The following POM121L2 variants were observed in gnomAD, a reference collection of about 807,000 sequenced individuals.
The protein encoded by POM121L2 is POM121 transmembrane nucleoporin like 2.
For missense variants in POM121L2, 1,167 were observed against 1,260.3 expected (o/e 0.93, Z 1.12); for synonymous variants, 459 against 483.8 (o/e 0.95, Z 0.67).
rs1174838178 is a variant in POM121L2, at chr6:27,309,149, A to G, written c.3022T>C (p.Ser1008Pro). The change falls in exon 1 of 1, where the codon TCT (serine) becomes CCT (proline). Residue 1008 changes from serine to proline, a missense_variant. By Grantham distance (74) the Ser-to-Pro change is moderately conservative. Transcript: ENST00000444565. ...VGRGPFRSSA[S>P]SFSIGAKSKT... The stretch of plus-strand genomic sequence containing the variant: ...GATTTTGCGCCAATGGAAAATGAAG[A>G]GGCTGATGATCTAAAAGGTCCTCTC... 1.3e-6 allele frequency: 2 copies of G among 1,551,796 alleles called. No homozygotes were observed. The highest frequency in any genetic ancestry group is 2.0e-5 in the Admixed American group (1 of 51,004).
In POM121L2 at chr6:27,311,787, T is replaced by C. The variant is rs767174201; in HGVS notation, c.384A>G (p.Arg128=). The change falls in exon 1 of 1, where the codon AGA becomes AGG. Residue 128 remains arginine (R), a synonymous_variant. Transcript: ENST00000444565. ...VTIRITPPDQ[R]VPPSTSPEDV... ...CTTCAGGAGAAGTGGAAGGGGGCACTCTCTGGTCAGGAGGAGTGATCCTGA... is the reference window on the plus strand; with the variant it reads ...CTTCAGGAGAAGTGGAAGGGGGCACCCTCTGGTCAGGAGGAGTGATCCTGA... 5 of 1,551,802 alleles carry C rather than the reference T, an allele frequency of 3.2e-6. No homozygotes were observed. In the South Asian group the frequency reaches 5.9e-5, roughly 18 times the overall value.
chr6:27,311,385 A>T lies in POM121L2; in HGVS notation c.786T>A (p.Ser262=). The T allele has an allele frequency of 6.4e-7, 1 of 1,551,674 alleles. No individual in the cohort carries two copies. The highest frequency in any genetic ancestry group is 8.7e-7 in the Non-Finnish European group (1 of 1,146,936). The change falls in exon 1 of 1, where the codon TCT becomes TCA. Residue 262 remains serine (S), a synonymous_variant. Transcript: ENST00000444565. ...TCCAAGGGTCTGAGAAATTTCTGCA[A>T]GAGCTGTAAGAGCTGCCAATAGCAT... ...KRNAIGSSYS[S]CRNFSDPWKR...
In POM121L2 at chr6:27,311,824, C is replaced by A. The variant is rs970345092; in HGVS notation, c.347G>T (p.Ser116Ile). 7.1e-6 allele frequency: 11 copies of A among 1,551,648 alleles called. No individual in the cohort carries two copies. The African/African-American group carries it at 1.2e-4, about 17-fold the overall frequency. The change falls in exon 1 of 1, where the codon AGC becomes ATC. Residue 116 changes from serine (S) to isoleucine (I), a missense_variant. Physicochemically the swap from Ser to Ile is moderately radical, Grantham distance 142. Transcript: ENST00000444565. ...AGGAGTGATCCTGATGGTCACTGGG[C>A]TCCAAATTGGCCTGGGATGTCGAAG... ...WSLRHPRPIW[S>I]PVTIRITPPD...
rs1760721315 is a variant in POM121L2, at chr6:27,309,941, T to C, written c.2230A>G (p.Ser744Gly). ...ATTGCTGGAGTCAGGTTGGAGATGC[T>C]GGGGGTTGATGCAAGCCAGTTTGTG... ...VSTNWLASTP[S>G]ISNLTPAITS... Residue 744 changes from serine to glycine, a missense_variant, in exon 1 of 1, where the codon AGC becomes GGC. Transcript: ENST00000444565. The C allele has an allele frequency of 1.3e-6, 2 of 1,551,626 alleles. No homozygotes were observed. The highest frequency in any genetic ancestry group is 1.2e-5 in the South Asian group (1 of 84,064).
rs1415275170 is a variant in POM121L2, at chr6:27,311,957, C to T, written c.214G>A (p.Ala72Thr). ...LDPANPTTWL[A>T]NEAWRRFPMK... ...GGAAAGCGCCTCCAGGCCTCGTTGG[C>T]CAGCCACGTGGTTGGATTGGCAGGA... The change falls in exon 1 of 1, where the codon GCC becomes ACC. Residue 72 changes from alanine to threonine, a missense_variant. Physicochemically the swap from Ala to Thr is moderately conservative, Grantham distance 58. Coordinates refer to ENST00000444565, the MANE Select transcript of POM121L2 (RefSeq NM_033482.4). The T allele has an allele frequency of 1.3e-6, 2 of 1,551,386 alleles. No individual in the cohort carries two copies. Among genetic ancestry groups the T allele is most frequent in the Non-Finnish European group, 1.7e-6 (2 of 1,146,798 alleles).
chr6:27,310,584 A>G lies in POM121L2; in HGVS notation c.1587T>C (p.Ser529=). 1.3e-6 allele frequency: 2 copies of G among 1,552,050 alleles called. No homozygotes were observed. The highest frequency in any genetic ancestry group is 8.7e-7 in the Non-Finnish European group (1 of 1,147,088). ...AAATCGGTTTTAACATGAGGTGAGC[A>G]GAAGTTGCATCAGGAGGTGCAGATG... ...LSASAPPDAT[S]AHLMLKPILG... Residue 529 remains serine, a synonymous_variant, in exon 1 of 1, where the codon TCT becomes TCC. Coordinates refer to ENST00000444565, the MANE Select transcript of POM121L2 (RefSeq NM_033482.4).
Position 27,310,186 on chromosome 6 carries a change from C to T in POM121L2, c.1985G>A (p.Cys662Tyr), listed in dbSNP as rs1260434719. The change falls in exon 1 of 1, where the codon TGC becomes TAC. Residue 662 changes from cysteine to tyrosine, a missense_variant. Transcript: ENST00000444565. ...VGNTYSVPSTCDTFLLGTAQA... is the reference protein window; with the variant it reads ...VGNTYSVPSTYDTFLLGTAQA... ...AGCAGTCCCAAGCAGGAAAGTGTCGCAAGTGGAAGGGACAGAATAAGTGTT... is the reference window on the plus strand; with the variant it reads ...AGCAGTCCCAAGCAGGAAAGTGTCGTAAGTGGAAGGGACAGAATAAGTGTT... 6.4e-7 allele frequency: 1 copy of T among 1,552,176 alleles called. No individual in the cohort carries two copies. The highest frequency in any genetic ancestry group is 8.7e-7 in the Non-Finnish European group (1 of 1,147,098).
Position 27,309,136 on chromosome 6 carries a change from A to G in POM121L2, c.3035T>C (p.Ile1012Thr), listed in dbSNP as rs776096109. 1.3e-5 allele frequency: 20 copies of G among 1,551,700 alleles called. No homozygotes were observed. The South Asian group carries it at 1.8e-4, about 14-fold the overall frequency. The change falls in exon 1 of 1, where the codon ATT (isoleucine) becomes ACT (threonine). Residue 1012 changes from isoleucine (I) to threonine (T), a missense_variant. By Grantham distance (89) the Ile-to-Thr change is moderately conservative. Transcript: ENST00000444565. ...PFRSSASSFS[I>T]GAKSKTPKNR... ...CTTTGGGGTTTTTGATTTTGCGCCAATGGAAAATGAAGAGGCTGATGATCT... is the reference window on the plus strand; with the variant it reads ...CTTTGGGGTTTTTGATTTTGCGCCAGTGGAAAATGAAGAGGCTGATGATCT...
In POM121L2 at chr6:27,309,033, A is replaced by G; in HGVS notation, c.*30T>C. The G allele has an allele frequency of 6.7e-7, 1 of 1,496,160 alleles. No individual in the cohort carries two copies. Among genetic ancestry groups the G allele is most frequent in the Non-Finnish European group, 9.0e-7 (1 of 1,114,110 alleles). 92.7% of individuals were successfully genotyped at this position (1,496,160 alleles called of 1,614,324 possible). A position where few individuals can be genotyped will look rare whatever the true frequency, so the allele number is the denominator to read the frequency against. ...TTTTCAAAAACAATACTGAGGTCTA[A>G]ATCAGGGTGCAAGTGACAGGGAACA... On this transcript the variant is annotated 3_prime_UTR_variant, in exon 1 of 1. Coordinates refer to ENST00000444565, the MANE Select transcript of POM121L2 (RefSeq NM_033482.4).
Position 27,310,090 on chromosome 6 carries a change from G to T in POM121L2, c.2081C>A (p.Pro694His). Residue 694 changes from proline (P) to histidine (H), a missense_variant, in exon 1 of 1, where the codon CCT becomes CAT. Pro to His is a moderately conservative substitution (Grantham distance 77, BLOSUM62 -2). Coordinates refer to ENST00000444565, the MANE Select transcript of POM121L2 (RefSeq NM_033482.4). ...IFPPHHHPTI[P>H]TVHTVTMFTQ... ...AAACATGGTGACTGTATGCACAGTA[G>T]GAATTGTAGGATGGTGGTGTGGTGG... The T allele has an allele frequency of 1.9e-6, 3 of 1,552,166 alleles. No individual in the cohort carries two copies. Among genetic ancestry groups the T allele is most frequent in the Non-Finnish European group, 1.7e-6 (2 of 1,147,100 alleles).
In POM121L2 at chr6:27,312,078, T is replaced by C; in HGVS notation, c.93A>G (p.Pro31=). The change falls in exon 1 of 1, where the codon CCA becomes CCG. Residue 31 remains proline, a synonymous_variant. Transcript: ENST00000444565. The surrounding 1 kb of genome is among the most constrained non-coding windows in gnomAD (Gnocchi z 6.7). ...GATGAACTTGGTGAAGGGGCTGAGG[T>C]GGCCGGCGTTTCGTGGGCCTCTCGG... ...DLPERPTKRR[P]PQPLHQVHRV... 1 of 1,490,576 alleles carries C rather than the reference T, an allele frequency of 6.7e-7. No individual in the cohort carries two copies. Among genetic ancestry groups the C allele is most frequent in the African/African-American group, 1.4e-5 (1 of 71,262 alleles). The allele number at this position is 1,490,576 out of a possible 1,614,324, so 92.3% of individuals were successfully genotyped here. A position where few individuals can be genotyped will look rare whatever the true frequency, so the allele number is the denominator to read the frequency against.
intron 1 of POM121L2, chr6:27,309,698 G>A: frequency 3.2e-6 from 5 of 1,551,770 alleles, no homozygotes; most frequent in Non-Finnish European, 4.4e-6. Flanking sequence ...AAGGCTGACT[G>A]TGTGGTACTA....
Position 27,312,119 on chromosome 6 carries a change from C to T in POM121L2, c.52G>A (p.Val18Met). Residue 18 changes from valine to methionine, a missense_variant, in exon 1 of 1, where the codon GTG becomes ATG. Val to Met is a conservative substitution (Grantham distance 21, BLOSUM62 1). Coordinates refer to ENST00000444565, the MANE Select transcript of POM121L2 (RefSeq NM_033482.4). The surrounding 1 kb of genome is among the most constrained non-coding windows in gnomAD (Gnocchi z 6.7). Reference sequence around the variant, plus strand: ...GGCCTCTCGGGCAAGTCGGTGCGCACCTGGGCTGGGGACGAGGGCGAAAGT... The same window carrying T: ...GGCCTCTCGGGCAAGTCGGTGCGCATCTGGGCTGGGGACGAGGGCGAAAGT... ...LELSPSSPAQ[V>M]RTDLPERPTK... 1 of 1,465,536 alleles carries T rather than the reference C, an allele frequency of 6.8e-7. No homozygotes were observed. Among genetic ancestry groups the T allele is most frequent in the Non-Finnish European group, 9.0e-7 (1 of 1,106,614 alleles). The allele number at this position is 1,465,536 out of a possible 1,614,324, so 90.8% of individuals were successfully genotyped here.
chr6:27,311,911 G>A lies in POM121L2; in HGVS notation c.260C>T (p.Ser87Phe), dbSNP rs866292350. ...GTCTGAAGGGAGAGGCCCCAGGGGG[G>A]AATTCTGGGACTTCTTCATGGGAAA... ...RRFPMKKSQN[S>F]PLGPLPSDWW... Residue 87 changes from serine (S) to phenylalanine (F), a missense_variant, in exon 1 of 1, where the codon TCC becomes TTC. By Grantham distance (155) the Ser-to-Phe change is radical. Coordinates refer to ENST00000444565, the MANE Select transcript of POM121L2 (RefSeq NM_033482.4). 3.2e-6 allele frequency: 5 copies of A among 1,551,610 alleles called. No homozygotes were observed. In the African/African-American group the frequency reaches 5.5e-5, roughly 17 times the overall value.
chr6:27,310,085 C>T lies in POM121L2; in HGVS notation c.2086G>A (p.Val696Met). 1 of 1,552,122 alleles carries T rather than the reference C, an allele frequency of 6.4e-7. No homozygotes were observed. Among genetic ancestry groups the T allele is most frequent in the South Asian group, 1.2e-5 (1 of 84,058 alleles). ...TGGGTAAACATGGTGACTGTATGCACAGTAGGAATTGTAGGATGGTGGTGT... is the reference window on the plus strand; with the variant it reads ...TGGGTAAACATGGTGACTGTATGCATAGTAGGAATTGTAGGATGGTGGTGT... Reference protein sequence around the residue: ...PPHHHPTIPTVHTVTMFTQVL... With the variant: ...PPHHHPTIPTMHTVTMFTQVL... Residue 696 changes from valine (V) to methionine (M), a missense_variant, in exon 1 of 1, where the codon GTG (valine) becomes ATG (methionine). By Grantham distance (21) the Val-to-Met change is conservative. Coordinates refer to ENST00000444565, the MANE Select transcript of POM121L2 (RefSeq NM_033482.4).
In POM121L2 at chr6:27,310,534, A is replaced by G. The variant is rs1760730385; in HGVS notation, c.1637T>C (p.Ile546Thr). 6.4e-7 allele frequency: 1 copy of G among 1,552,136 alleles called. No homozygotes were observed. Among genetic ancestry groups the G allele is most frequent in the South Asian group, 1.2e-5 (1 of 84,064 alleles). ...AATTCTGGAATATGAGGAGCTTCCAATCTCGCTGTTGTGCAGGGGCCCCAA... is the reference window on the plus strand; with the variant it reads ...AATTCTGGAATATGAGGAGCTTCCAGTCTCGCTGTTGTGCAGGGGCCCCAA... Reference protein sequence around the residue: ...PILGPLHNSEIGSSSYSRISV... With the variant: ...PILGPLHNSETGSSSYSRISV... The change falls in exon 1 of 1, where the codon ATT (isoleucine) becomes ACT (threonine). Residue 546 changes from isoleucine to threonine, a missense_variant. Coordinates refer to ENST00000444565, the MANE Select transcript of POM121L2 (RefSeq NM_033482.4).
chr6:27,311,883 C>T (rs1194245000), upstream of POM121L2: 3 of 1,551,760 alleles, frequency 1.9e-6, no homozygotes, highest in Non-Finnish European at 2.6e-6. Flanking sequence ...AACTTTCCCA[C>T]CAGTCTGAAG....
Position 27,309,042 on chromosome 6 carries a change from G to A in POM121L2, c.*21C>T. The A allele has an allele frequency of 6.6e-7, 1 of 1,514,460 alleles. No homozygotes were observed. The highest frequency in any genetic ancestry group is 8.9e-7 in the Non-Finnish European group (1 of 1,124,240). 93.8% of individuals were successfully genotyped at this position (1,514,460 alleles called of 1,614,324 possible). A position where few individuals can be genotyped will look rare whatever the true frequency, so the allele number is the denominator to read the frequency against. ...ACAATACTGAGGTCTAAATCAGGGTGCAAGTGACAGGGAACACAGGCTACT... is the reference window on the plus strand; with the variant it reads ...ACAATACTGAGGTCTAAATCAGGGTACAAGTGACAGGGAACACAGGCTACT... On this transcript the variant is annotated 3_prime_UTR_variant, in exon 1 of 1. Coordinates refer to ENST00000444565, the MANE Select transcript of POM121L2 (RefSeq NM_033482.4).
chr6:27,310,394 T>C lies in POM121L2; in HGVS notation c.1777A>G (p.Ile593Val). The change falls in exon 1 of 1, where the codon ATA becomes GTA. Residue 593 changes from isoleucine (I) to valine (V), a missense_variant. Physicochemically the swap from Ile to Val is conservative, Grantham distance 29 (BLOSUM62 3). Transcript: ENST00000444565. ...GTCTGCTTGGAGGAGAAAGGAGCTA[T>C]CATGGGCGTAGTTTTAAGTGGATCT... ...SIDPLKTTPM[I>V]APFSSKQTPP... 6.4e-7 allele frequency: 1 copy of C among 1,552,062 alleles called. No individual in the cohort carries two copies. The highest frequency in any genetic ancestry group is 1.2e-5 in the South Asian group (1 of 84,054).
Sources: gnomAD v4.1 joint callset for allele counts on GRCh38, gnomAD v4.1.1 for gene constraint, Gnocchi (gnomAD v3.1) non-coding constraint, MANE v1.5 for transcripts, NCBI Gene and HGNC (gene_info 2026-07-23, HGNC 2026-07-21) for gene names.